Variants in TTC5 observed in about 807,000 individuals in gnomAD.
TTC5 encodes the protein tetratricopeptide repeat domain 5, also known as tetratricopeptide repeat protein 5.
A neutral mutation model predicts 57.4 loss-of-function variants in TTC5; 46 were observed. The observed-to-expected ratio is 0.80, with a 90% CI of 0.63 to 1.03. The LOEUF (loss-of-function observed/expected upper bound fraction) is 1.03, where lower values mean the gene tolerates loss of function less well. TTC5 is among the 50% of genes least tolerant of loss of function. TTC5 has a pLI of 0.00. For missense variants in TTC5, 504 were observed against 528.1 expected, an observed-to-expected ratio of 0.95 and a Z score of 0.45; for synonymous variants, 190 against 203.5, an observed-to-expected ratio of 0.93 and a Z score of 0.57.
chr14:20,295,981 A>C, intron 6 of TTC5, 127 bp from the exon 7 acceptor site: 3 of 932,744 alleles, frequency 3.2e-6, no homozygotes, highest in Non-Finnish European at 4.6e-6. Flanking sequence ...GTGCTGCAAC[A>C]AACAGCCTGA....
At chr14:20,291,799 C>G (rs1002425534) in intron 9 of TTC5, among the ~76,000 whole-genome samples, 184 bp downstream of exon 9, 11 of 151,638 alleles carry the variant, frequency 7.3e-5, no homozygotes, top group Non-Finnish European at 1.5e-4. Context: ...TTCTGCTTAC[C>G]AGTTTACCTT....
chr14:20,298,352 C>A (rs1882108401), intron 5 of TTC5, among the ~76,000 whole-genome samples: 1 of 152,174 alleles, frequency 6.6e-6, no homozygotes, highest in African/African-American at 2.4e-5. Flanking sequence ...TCTCTTTTAG[C>A]CCATGGGAAA....
chr14:20,291,850 T>C, intron 9 of TTC5, 133 bp downstream of exon 9: 1 of 697,556 alleles, frequency 1.4e-6, no homozygotes, highest in Non-Finnish European at 1.9e-6. Context: ...ATAAAACATA[T>C]ACACACAAAT....
rs1210061852 is a variant in TTC5 at position 20,295,765 on chromosome 14, T to G, written c.786A>C (p.Gln262His). The change falls in exon 7 of 10, where the codon CAA (glutamine) becomes CAC (histidine). Residue 262 changes from glutamine (Q) to histidine (H), a missense_variant. Transcript: ENST00000258821. ...GGAATTCCAGAAGTTGTTGCTCTCG[T>G]TGCCGGGGCTCTGGCCAGGCAGGGT... ...ALDPAWPEPR[Q>H]REQQLLEFLD... The G allele has an allele frequency of 6.2e-7, 1 of 1,613,994 alleles. No homozygotes were observed. Among genetic ancestry groups the G allele is most frequent in the Non-Finnish European group, 8.5e-7 (1 of 1,180,014 alleles).
chr14:20,298,753 C>T, intron 5 of TTC5, 44 bp downstream of exon 5: 1 of 1,360,854 alleles, frequency 7.3e-7, no homozygotes, highest in Non-Finnish European at 1.1e-6. Flanking sequence ...GCTCTTGCTT[C>T]TGTTGTTGCC....
At position 20,286,896 on chromosome 14, in the gene TTC5, G is replaced by T. The variant is rs1224247240; in HGVS notation, c.*2731C>A. The T allele has an allele frequency of 1.3e-5, 2 of 151,958 alleles. No individual in the cohort carries two copies. The highest frequency in any genetic ancestry group is 2.4e-5 in the African/African-American group (1 of 41,348). The allele number at this position is 151,958 out of a possible 1,614,324, so 9.4% of individuals were successfully genotyped here. ...TTAGTGGCTTCTAAATATATGAAAA[G>T]ATGCTCAAGCTCATTAATAATCAGA... On this transcript the variant is annotated 3_prime_UTR_variant, in exon 10 of 10. Coordinates refer to ENST00000258821, the MANE Select transcript of TTC5 (RefSeq NM_138376.3).
chr14:20,302,305 A>G (rs1882210147), intron 1 of TTC5, among the ~76,000 whole-genome samples: 1 of 152,226 alleles, frequency 6.6e-6, no homozygotes, highest in African/African-American at 2.4e-5. Flanking sequence ...AGATAAACCA[A>G]AAGTTAGTAA....
intron 4 of TTC5, 83 bp from the exon 5 acceptor site, chr14:20,298,971 T>G: frequency 8.9e-7 from 1 of 1,124,880 alleles, no homozygotes. Flanking sequence ...AAAGTATATT[T>G]GAAAGGTCCC....
chr14:20,302,060 C>G (rs1882204872), intron 1 of TTC5, 95 bp from the exon 2 acceptor site: 2 of 1,376,416 alleles, frequency 1.5e-6, no homozygotes, highest in Non-Finnish European at 2.0e-6. Context: ...TCTAGAAATA[C>G]CAATTCTCTT....
intron 9 of TTC5, 64 bp from the exon 10 acceptor site, chr14:20,289,810 G>A: frequency 1.3e-6 from 2 of 1,510,988 alleles, no homozygotes; most frequent in Non-Finnish European, 1.8e-6. Context: ...TCCAGCATGG[G>A]GATACACCAC....
At chr14:20,298,914 C>A in intron 4 of TTC5, 26 bp from the exon 5 acceptor site, 9 of 1,517,192 alleles carry the variant, frequency 5.9e-6, no homozygotes, top group South Asian at 1.1e-5. Context: ...AGTGACAAAT[C>A]ATCTCAGAGT....
chr14:20,300,761 G>A lies in TTC5; in HGVS notation c.242C>T (p.Thr81Ile), dbSNP rs368985545. 7.5e-5 allele frequency: 121 copies of A among 1,614,034 alleles called. No homozygotes were observed. Among genetic ancestry groups the A allele is most frequent in the Non-Finnish European group, 9.7e-5 (114 of 1,180,032 alleles). Reference protein sequence around the residue: ...LMLTGKALNVTPDYSPKAEEL... With the variant: ...LMLTGKALNVIPDYSPKAEEL... ...CTCAGCCTTAGGGCTATAGTCAGGA[G>A]TCACATTTAGTGCTTTCCCAGTTAG... The change falls in exon 3 of 10, where the codon ACT (threonine) becomes ATT (isoleucine). Residue 81 changes from threonine to isoleucine, a missense_variant. Coordinates refer to ENST00000258821, the MANE Select transcript of TTC5 (RefSeq NM_138376.3).
At chr14:20,304,586 C>T (rs1328369038) in intron 1 of TTC5, among the ~76,000 whole-genome samples, 3 of 152,174 alleles carry the variant, frequency 2.0e-5, no homozygotes, top group East Asian at 1.9e-4. Flanking sequence ...TCCTTTATTC[C>T]ATTCCTGCAC....
At chr14:20,305,812 G>A (rs1882280097) in intron 1 of TTC5, 75 bp downstream of exon 1, 4 of 1,396,708 alleles carry the variant, frequency 2.9e-6, no homozygotes, top group Non-Finnish European at 4.1e-6. Flanking sequence ...GGAATTCACG[G>A]GCAGTACATA....
rs770442354 is a variant in TTC5, at chr14:20,291,996, T to C, written c.1190A>G (p.Gln397Arg). The change falls in exon 9 of 10, where the codon CAG becomes CGG. Residue 397 changes from glutamine to arginine, a missense_variant. Physicochemically the swap from Gln to Arg is conservative, Grantham distance 43. Transcript: ENST00000258821. ...GCCATTGCTCACCTTTCCTTTGTGCTGAATTCGGTGAAGCCGCAGGTTGGG... is the reference window on the plus strand; with the variant it reads ...GCCATTGCTCACCTTTCCTTTGTGCCGAATTCGGTGAAGCCGCAGGTTGGG... ...PEPNLRLHRI[Q>R]HKGKDYSFSS... 2.5e-6 allele frequency: 4 copies of C among 1,589,010 alleles called. No homozygotes were observed. The African/African-American group carries it at 4.0e-5, about 16-fold the overall frequency.
chr14:20,286,436 C>T lies in TTC5; in HGVS notation c.*3191G>A, dbSNP rs1391632517. On this transcript the variant is annotated 3_prime_UTR_variant, in exon 10 of 10. Transcript: ENST00000258821. ...CATCTGGTTGGTAAAAATTAAAAAGCTAGACAATTTCAAAAAAAGAAAAAG... is the reference window on the plus strand; with the variant it reads ...CATCTGGTTGGTAAAAATTAAAAAGTTAGACAATTTCAAAAAAAGAAAAAG... 2 of 151,640 alleles carry T rather than the reference C, an allele frequency of 1.3e-5. No homozygotes were observed. Among genetic ancestry groups the T allele is most frequent in the Non-Finnish European group, 2.9e-5 (2 of 67,936 alleles). The allele number at this position is 151,640 out of a possible 1,614,324, so 9.4% of individuals were successfully genotyped here. A position where few individuals can be genotyped will look rare whatever the true frequency, so the allele number is the denominator to read the frequency against.
At position 20,288,728 on chromosome 14, in the gene TTC5, T is replaced by C. The variant is rs4981948; in HGVS notation, c.*899A>G. The C allele has an allele frequency of 0.18, 26,850 of 152,270 alleles. 2,502 individuals are homozygous for C. The highest frequency in any genetic ancestry group is 0.2 in the South Asian group (975 of 4,824). 9.4% of individuals were successfully genotyped at this position (152,270 alleles called of 1,614,324 possible). A position where few individuals can be genotyped will look rare whatever the true frequency, so the allele number is the denominator to read the frequency against. ...GTGCCAGGCCAATTCAATTGGTTAT[T>C]AATCCTCACTCACATTTCTCCATTT... On this transcript the variant is annotated 3_prime_UTR_variant, in exon 10 of 10. Transcript: ENST00000258821.
In TTC5 at chr14:20,287,789, A is replaced by T. The variant is rs1354252860; in HGVS notation, c.*1838T>A. ...TCTCTACTGCCTCAAATGTTTACACATACTACTACCCCCATCTTCCCTAGT... is the reference window on the plus strand; with the variant it reads ...TCTCTACTGCCTCAAATGTTTACACTTACTACTACCCCCATCTTCCCTAGT... On this transcript the variant is annotated 3_prime_UTR_variant, in exon 10 of 10. Coordinates refer to ENST00000258821, the MANE Select transcript of TTC5 (RefSeq NM_138376.3). 6.6e-6 allele frequency: 1 copy of T among 152,196 alleles called. No individual in the cohort carries two copies. The highest frequency in any genetic ancestry group is 1.5e-5 in the Non-Finnish European group (1 of 68,046). The allele number at this position is 152,196 out of a possible 1,614,324, so 9.4% of individuals were successfully genotyped here.
At chr14:20,295,138 A>G in intron 8 of TTC5, 174 bp downstream of exon 8, 1 of 627,328 alleles carries the variant, frequency 1.6e-6, no homozygotes. Flanking sequence ...GCCTCTGATC[A>G]AAAGATGGTT....
Sources: gnomAD v4.1 joint callset for allele counts (sites outside exome capture counted in the v4.1 genomes callset) on GRCh38, gnomAD v4.1.1 for gene constraint, MANE v1.5 for transcripts, NCBI Gene and HGNC (gene_info 2026-07-23, HGNC 2026-07-21) for gene names.